GFRAL: variants seen among roughly 807,000 people sequenced by gnomAD.
GFRAL encodes GDNF family receptor alpha-like.
Under a neutral mutation model 45.4 loss-of-function variants are expected in GFRAL, and 36 were observed. That is an observed-to-expected ratio of 0.79 (90% CI 0.61 to 1.05). GFRAL has a LOEUF of 1.05. GFRAL is among the 50% of genes least tolerant of loss of function. GFRAL has a pLI of 0.00. For synonymous variants in GFRAL, 166 were observed against 154.1 expected, an observed-to-expected ratio of 1.08 and a Z score of -0.57; for missense variants, 507 against 467.5, an observed-to-expected ratio of 1.08 and a Z score of -0.78.
intron 8 of GFRAL, 111 bp downstream of exon 8, chr6:55,399,552 T>C (rs1028745674): frequency 1.4e-4 from 104 of 750,062 alleles, no homozygotes; most frequent in Admixed American, 2.1e-4. Flanking sequence ...AAAGCTTCTC[T>C]GTTAAGACAT....
intron 6 of GFRAL, among the ~76,000 whole-genome samples, chr6:55,387,938 C>A (rs927338226): frequency 2.6e-5 from 4 of 152,134 alleles, no homozygotes; most frequent in African/African-American, 9.7e-5. Flanking sequence ...CATTAGTAAA[C>A]AAATTAGTTC....
At chr6:55,364,453 T>G (rs1768329492) in intron 6 of GFRAL, among the ~76,000 whole-genome samples, 1 of 145,986 alleles carries the variant, frequency 6.8e-6, no homozygotes, top group Non-Finnish European at 1.5e-5. Flanking sequence ...TTAGATCCCA[T>G]TTGTCAATTT....
At chr6:55,354,252 C>G (rs1249866761) in intron 5 of GFRAL, among the ~76,000 whole-genome samples, 1 of 151,946 alleles carries the variant, frequency 6.6e-6, no homozygotes, top group African/African-American at 2.4e-5. Flanking sequence ...ACACTAACCT[C>G]CCCTTGGTAT....
chr6:55,367,666 G>T (rs1482936299), intron 6 of GFRAL, among the ~76,000 whole-genome samples: 2 of 149,884 alleles, frequency 1.3e-5, no homozygotes, highest in Admixed American at 6.6e-5. Context: ...GCATTTGCTT[G>T]TCTGTAAAGT....
intron 6 of GFRAL, among the ~76,000 whole-genome samples, chr6:55,365,443 C>A (rs1304376164): frequency 9.0e-6 from 1 of 110,918 alleles, no homozygotes; most frequent in South Asian, 3.4e-4. Flanking sequence ...CCTTCTCCTG[C>A]CTAATTGCCC....
At chr6:55,392,794 G>A (rs562098320) in intron 6 of GFRAL, among the ~76,000 whole-genome samples, 7 of 152,138 alleles carry the variant, frequency 4.6e-5, no homozygotes, top group African/African-American at 1.4e-4. Context: ...ATACCTGGGC[G>A]ATAAAATAAT....
Position 55,350,057 on chromosome 6 carries a change from T to C in GFRAL, c.317-35T>C, listed in dbSNP as rs753565615. ...TTTCCTAGGAAATTCAGAAAATTGT[T>C]CAATAATGAAATAATTTCTTTGTTT... On this transcript the variant is annotated intron_variant, in intron 3 of 8. Transcript: ENST00000340465. 2.4e-6 allele frequency: 3 copies of C among 1,270,758 alleles called. No individual in the cohort carries two copies. The South Asian group carries it at 3.6e-5, about 15-fold the overall frequency. The allele number at this position is 1,270,758 out of a possible 1,614,324, so 78.7% of individuals were successfully genotyped here. A position where few individuals can be genotyped will look rare whatever the true frequency, so the allele number is the denominator to read the frequency against.
At chr6:55,354,730 A>C (rs1289624656) in intron 5 of GFRAL, among the ~76,000 whole-genome samples, 1 of 152,040 alleles carries the variant, frequency 6.6e-6, no homozygotes, top group Non-Finnish European at 1.5e-5. Flanking sequence ...CTTCAATGAG[A>C]ATATTAAGCC....
chr6:55,349,981 CT>C (rs763705391), intron 3 of GFRAL, 110 bp from the exon 4 acceptor site: 7 of 701,670 alleles, frequency 1.0e-5, no homozygotes, highest in Non-Finnish European at 1.6e-5. Context: ...CTTGTATGTA[CT>C]TTTGCTTGAA....
chr6:55,374,039 G>A (rs754162878), intron 6 of GFRAL, among the ~76,000 whole-genome samples: 6 of 152,090 alleles, frequency 3.9e-5, no homozygotes, highest in Non-Finnish European at 7.3e-5. Flanking sequence ...TGAGGATAAT[G>A]GCTTCCAATT....
intron 6 of GFRAL, among the ~76,000 whole-genome samples, chr6:55,395,641 T>C (rs915115427): frequency 5.9e-5 from 9 of 152,022 alleles, no homozygotes; most frequent in African/African-American, 2.2e-4. Context: ...ATATCTCAAG[T>C]ATTCTGACAT....
chr6:55,356,875 G>A (rs935655390), intron 5 of GFRAL, among the ~76,000 whole-genome samples: 1 of 151,610 alleles, frequency 6.6e-6, no homozygotes, highest in African/African-American at 2.4e-5. Context: ...TATCCCACAG[G>A]TTTTGGTATG....
At chr6:55,366,468 C>G (rs546374306) in intron 6 of GFRAL, among the ~76,000 whole-genome samples, 1,959 of 144,592 alleles carry the variant, frequency 0.014, 72 homozygotes, top group African/African-American at 0.049. Flanking sequence ...TTAGTTATTT[C>G]TTGCCTTCTG....
At chr6:55,346,139 C>T (rs1768038445) in intron 3 of GFRAL, among the ~76,000 whole-genome samples, 1 of 152,126 alleles carries the variant, frequency 6.6e-6, no homozygotes, top group South Asian at 2.1e-4. Context: ...GTGGCGATTC[C>T]TCAGGGATCT....
At chr6:55,335,949 C>T (rs1215046547) in intron 3 of GFRAL, among the ~76,000 whole-genome samples, 3 of 118,830 alleles carry the variant, frequency 2.5e-5, no homozygotes, top group Non-Finnish European at 5.5e-5. Context: ...TGTTGTGTTG[C>T]TGTAGTTGTT....
At chr6:55,367,509 G>A (rs1341121520) in intron 6 of GFRAL, among the ~76,000 whole-genome samples, 9 of 148,034 alleles carry the variant, frequency 6.1e-5, no homozygotes, top group South Asian at 2.2e-4. Context: ...TATTTTGCTC[G>A]TTAGTTGATG....
At chr6:55,357,514 A>G (rs1768211127) in intron 5 of GFRAL, among the ~76,000 whole-genome samples, 1 of 151,694 alleles carries the variant, frequency 6.6e-6, no homozygotes, top group South Asian at 2.1e-4. Flanking sequence ...TTGGCATAGA[A>G]TATCTTTTTC....
intron 5 of GFRAL, among the ~76,000 whole-genome samples, chr6:55,352,661 C>T (rs559025627): frequency 4.6e-5 from 7 of 152,064 alleles, no homozygotes; most frequent in South Asian, 2.1e-4. Context: ...GGAAAAGTAC[C>T]GTATGAAATC....
chr6:55,354,368 A>T (rs114524286), intron 5 of GFRAL, among the ~76,000 whole-genome samples: 2,750 of 152,030 alleles, frequency 0.018, 82 homozygotes, highest in African/African-American at 0.063. Context: ...CTGGAGTGGG[A>T]TAAGCACTCA....
Sources: allele counts gnomAD v4.1 joint callset (sites outside exome capture counted in the v4.1 genomes callset), GRCh38; gene constraint gnomAD v4.1.1; transcripts MANE v1.5; gene names NCBI Gene and HGNC (gene_info 2026-07-23, HGNC 2026-07-21).